The following CERT1 variants were observed in gnomAD, a reference collection of about 807,000 sequenced individuals.
The protein encoded by CERT1 is ceramide transporter 1.
Under a neutral mutation model 87.9 loss-of-function variants are expected in CERT1, and 31 were observed. That is an observed-to-expected ratio of 0.35 (90% CI 0.27 to 0.48). The LOEUF (loss-of-function observed/expected upper bound fraction) is 0.48, where lower values mean the gene tolerates loss of function less well. Ranked by LOEUF, CERT1 falls within the 20% of genes least tolerant of loss-of-function variation. CERT1 has a pLI of 0.99. For synonymous variants in CERT1, 289 were observed against 250.9 expected, an observed-to-expected ratio of 1.15 and a Z score of -1.44; for missense variants, 487 against 758.0, an observed-to-expected ratio of 0.64 and a Z score of 4.20.
intron 2 of CERT1, among the ~76,000 whole-genome samples, chr5:75,492,164 C>T (rs1009691823): frequency 6.6e-6 from 1 of 151,854 alleles, no homozygotes; most frequent in Non-Finnish European, 1.5e-5. Context: ...GGCAACATAG[C>T]GAGACTCAGT....
At position 75,400,222 on chromosome 5, in the gene CERT1, G is replaced by T; in HGVS notation, c.1093C>A (p.His365Asn). The T allele has an allele frequency of 6.2e-7, 1 of 1,610,460 alleles. No homozygotes were observed. The highest frequency in any genetic ancestry group is 8.5e-7 in the Non-Finnish European group (1 of 1,176,734). Residue 365 changes from histidine to asparagine, a missense_variant, in exon 10 of 17, where the codon CAT (histidine) becomes AAT (asparagine). By Grantham distance (68) the His-to-Asn change is moderately conservative. This residue lies in a region of CERT1 where 91 missense variants were observed against 86.7 expected (regional missense o/e 1.05). Coordinates refer to ENST00000643780, the MANE Select transcript of CERT1 (RefSeq NM_001379029.1). ...TAGCTTACCTTTTGGACAAATCTATGTGTCCCCACAGAAGAAAAGGCATCT... is the reference window on the plus strand; with the variant it reads ...TAGCTTACCTTTTGGACAAATCTATTTGTCCCCACAGAAGAAAAGGCATCT... ...SGDAFSSVGT[H>N]RFVQKPYSRS...
chr5:75,372,423 G>A (rs577738489), intron 17 of CERT1: 2 of 146,906 alleles, frequency 1.4e-5, no homozygotes, highest in Admixed American at 1.4e-4. Flanking sequence ...AATATAAAAT[G>A]TTAACTGGTG....
At chr5:75,419,313 C>A in intron 6 of CERT1, 28 bp downstream of exon 6, 1 of 1,427,464 alleles carries the variant, frequency 7.0e-7, no homozygotes. Context: ...ATATTTTATC[C>A]AGCTGAGGGG....
intron 2 of CERT1, among the ~76,000 whole-genome samples, chr5:75,498,536 A>C (rs1447295824): frequency 6.6e-6 from 1 of 152,214 alleles, no homozygotes; most frequent in African/African-American, 2.4e-5. Flanking sequence ...GGCCACTCTG[A>C]GGACAGTTCA....
intron 14 of CERT1, among the ~76,000 whole-genome samples, chr5:75,384,135 A>C (rs1761694672): frequency 6.6e-6 from 1 of 152,226 alleles, no homozygotes; most frequent in Non-Finnish European, 1.5e-5. Context: ...GCTATAATTC[A>C]CTTTCATATT....
At chr5:75,370,642 CTGTTA>C (rs1761045244) in intron 17 of CERT1, 1 of 151,988 alleles carries the variant, frequency 6.6e-6, no homozygotes, top group South Asian at 2.1e-4. Context: ...TATATTCCTC[CTGTTA>C]TATTTTGTTA....
Position 75,511,570 on chromosome 5 carries a change from A to T in CERT1, c.-363T>A. The T allele has an allele frequency of 6.9e-7, 1 of 1,458,228 alleles. No individual in the cohort carries two copies. Among genetic ancestry groups the T allele is most frequent in the Non-Finnish European group, 9.0e-7 (1 of 1,107,110 alleles). 90.3% of individuals were successfully genotyped at this position (1,458,228 alleles called of 1,614,324 possible). ...AAGGGAAGAGAAAATCCGGCCGCTG[A>T]GTCCCGCGTCCACTCACACCTCCGC... On this transcript the variant is annotated 5_prime_UTR_variant, in exon 1 of 17. Transcript: ENST00000643780.
intron 2 of CERT1, among the ~76,000 whole-genome samples, chr5:75,499,413 T>C (rs1413778613): frequency 3.9e-5 from 6 of 152,128 alleles, no homozygotes; most frequent in African/African-American, 1.2e-4. Context: ...TATGAGGTAA[T>C]TGAATCATGG....
At chr5:75,370,186 T>A (rs1240554083) in intron 17 of CERT1, 1 of 152,186 alleles carries the variant, frequency 6.6e-6, no homozygotes, top group Non-Finnish European at 1.5e-5. Context: ...CCAGATTAAG[T>A]AGTTGGCTTT....
chr5:75,490,143 C>G lies in CERT1; in HGVS notation c.231+15839G>C, dbSNP rs148080197. Reference sequence around the variant, plus strand: ...TTCTCACTTAGAAGTGGGAGGTAAACAATGAGAACATATGAGCACAGGGAT... The same window carrying G: ...TTCTCACTTAGAAGTGGGAGGTAAAGAATGAGAACATATGAGCACAGGGAT... On this transcript the variant is annotated intron_variant, in intron 2 of 16. Coordinates refer to ENST00000643780, the MANE Select transcript of CERT1 (RefSeq NM_001379029.1). Among the ~76,000 whole-genome samples the G allele has an allele frequency of 1.4e-3, 216 of 152,226 alleles. 1 individual carries two copies. Among genetic ancestry groups the G allele is most frequent in the African/African-American group, 4.3e-3 (179 of 41,534 alleles).
At chr5:75,393,050 A>C (rs1472404481) in intron 11 of CERT1, among the ~76,000 whole-genome samples, 1 of 151,204 alleles carries the variant, frequency 6.6e-6, no homozygotes, top group Non-Finnish European at 1.5e-5. Flanking sequence ...ACAAAAACAA[A>C]AAACAACAAA....
chr5:75,496,070 C>T (rs925736946), intron 2 of CERT1, among the ~76,000 whole-genome samples: 13 of 151,844 alleles, frequency 8.6e-5, no homozygotes, highest in Admixed American at 6.6e-4. Context: ...AAAATATTTG[C>T]CAAACATGTA....
chr5:75,399,127 C>A (rs1467712849), intron 11 of CERT1, among the ~76,000 whole-genome samples, 183 bp downstream of exon 11: 1 of 152,156 alleles, frequency 6.6e-6, no homozygotes, highest in Non-Finnish European at 1.5e-5. Context: ...TAGTAAAGGA[C>A]ACATGCAAAC....
At chr5:75,494,706 T>C (rs989240893) in intron 2 of CERT1, among the ~76,000 whole-genome samples, 1 of 152,066 alleles carries the variant, frequency 6.6e-6, no homozygotes, top group Non-Finnish European at 1.5e-5. Context: ...CTTCCCTAAC[T>C]GATAGTTTAG....
At chr5:75,423,349 A>C (rs78508440) in intron 5 of CERT1, among the ~76,000 whole-genome samples, 3,609 of 151,820 alleles carry the variant, frequency 0.024, 138 homozygotes, top group African/African-American at 0.083. Context: ...AATGAAGGAG[A>C]AACAGAAGTT....
chr5:75,477,958 TCTTGA>T (rs903230441), intron 2 of CERT1, among the ~76,000 whole-genome samples: 1 of 152,174 alleles, frequency 6.6e-6, no homozygotes, highest in Non-Finnish European at 1.5e-5. Context: ...GATACATTCA[TCTTGA>T]CTTAACAAAC....
chr5:75,444,462 T>A (rs1226524166), intron 3 of CERT1, among the ~76,000 whole-genome samples: 1 of 152,162 alleles, frequency 6.6e-6, no homozygotes, highest in African/African-American at 2.4e-5. Flanking sequence ...TTTGCTATTT[T>A]CTATGTGCCT....
chr5:75,446,523 A>AT (rs1408462305), intron 3 of CERT1, among the ~76,000 whole-genome samples: 1 of 152,008 alleles, frequency 6.6e-6, no homozygotes, highest in Admixed American at 6.5e-5. Flanking sequence ...GTTGATCTAC[A>AT]TTTTTCCCTT....
chr5:75,477,225 T>C (rs991800430), intron 2 of CERT1, among the ~76,000 whole-genome samples: 1 of 152,162 alleles, frequency 6.6e-6, no homozygotes, highest in African/African-American at 2.4e-5. Context: ...ACCATCTTTG[T>C]AAGTAAATTT....
Sources: gnomAD v4.1 joint callset for allele counts (sites outside exome capture counted in the v4.1 genomes callset) on GRCh38, gnomAD v4.1.1 for gene constraint, gnomAD v4.1.1 regional missense constraint, MANE v1.5 for transcripts, NCBI Gene and HGNC (gene_info 2026-07-23, HGNC 2026-07-21) for gene names.